The following CLVS1 variants were observed in gnomAD, a reference collection of about 807,000 sequenced individuals.
CLVS1 encodes the protein clavesin 1, also known as clavesin-1.
CLVS1 carries 10 observed loss-of-function variants against 33.1 expected under a neutral mutation model. The ratio of observed to expected loss-of-function variants is 0.30; its 90% CI spans 0.19 to 0.51. The LOEUF is 0.51. Among genes scored for constraint, CLVS1 ranks in the 20% least tolerant of loss-of-function variants. The pLI is 0.97. For synonymous variants in CLVS1, 163 were observed against 166.1 expected, an observed-to-expected ratio of 0.98 and a Z score of 0.14; for missense variants, 343 against 433.4, an observed-to-expected ratio of 0.79 and a Z score of 1.85.
At chr8:61,312,803 C>T (rs995282210) in intron 2 of CLVS1, among the ~76,000 whole-genome samples, 5 of 152,176 alleles carry the variant, frequency 3.3e-5, no homozygotes, top group Non-Finnish European at 5.9e-5. Flanking sequence ...TGATCTCTCT[C>T]TCCTTCTTCA....
In CLVS1 at chr8:61,189,329, A is replaced by AT. The variant is rs562500358; in HGVS notation, c.-152+57473dup. ...TTTACAGACAAGCAAATGCTGAGAGATTTTGTCACCACCAGGCCTGCTCTA... is the reference window on the plus strand; with the variant it reads ...TTTACAGACAAGCAAATGCTGAGAGATTTTTGTCACCACCAGGCCTGCTCTA... On this transcript the variant is annotated intron_variant, in intron 2 of 2. Transcript: ENST00000522621. Among the ~76,000 whole-genome samples the AT allele has an allele frequency of 8.7e-4, 132 of 152,308 alleles. 1 individual carries two copies. Among genetic ancestry groups the AT allele is most frequent in the Admixed American group, 3.1e-3 (48 of 15,296 alleles).
intron 2 of CLVS1, among the ~76,000 whole-genome samples, chr8:61,171,899 G>A (rs577574075): frequency 2.0e-5 from 3 of 152,302 alleles, no homozygotes; most frequent in South Asian, 2.1e-4. Flanking sequence ...TCAAGCAAGC[G>A]TGGAAATCAA....
At position 61,213,508 on chromosome 8, in the gene CLVS1, G is replaced by A. The variant is rs140316811; in HGVS notation, c.-152+81648G>A. ...AATGTGCATTGTGAAGATTTCATGGGCATTTATTAGTTCCCCAGATTAGTA... is the reference window on the plus strand; with the variant it reads ...AATGTGCATTGTGAAGATTTCATGGACATTTATTAGTTCCCCAGATTAGTA... On this transcript the variant is annotated intron_variant, in intron 2 of 2. Coordinates refer to the CLVS1 transcript ENST00000522621. 5.3e-5 allele frequency among the ~76,000 whole-genome samples: 8 copies of A among 150,546 alleles called. No individual in the cohort carries two copies. The South Asian group carries it at 8.5e-4, about 16-fold the overall frequency.
chr8:61,218,682 C>T (rs1287777876), intron 2 of CLVS1, among the ~76,000 whole-genome samples: 1 of 150,246 alleles, frequency 6.7e-6, no homozygotes, highest in Non-Finnish European at 1.5e-5. Flanking sequence ...CGCCTGTAGT[C>T]TCAGCACTTT....
chr8:61,010,794 G>A, the CLVS1 span, among the ~76,000 whole-genome samples: 6 of 152,164 alleles, frequency 3.9e-5, no homozygotes, highest in Admixed American at 3.9e-4. Flanking sequence ...TTACTCTCTG[G>A]CACAATCCTC....
chr8:61,426,238 C>G (rs1176442563), intron 3 of CLVS1, among the ~76,000 whole-genome samples: 1 of 152,178 alleles, frequency 6.6e-6, no homozygotes, highest in African/African-American at 2.4e-5. Context: ...TTAATATACT[C>G]AAGTCATTAT....
intron 2 of CLVS1, among the ~76,000 whole-genome samples, chr8:61,164,600 C>T (rs559254549): frequency 9.9e-5 from 15 of 152,092 alleles, no homozygotes; most frequent in Admixed American, 2.0e-4. Context: ...AAGTCCCCCC[C>T]GCCCAGGCTA....
chr8:61,203,283 A>T lies in CLVS1; in HGVS notation c.-152+71423A>T, dbSNP rs1356738819. The T allele has an allele frequency of 5.1e-6, 4 of 786,382 alleles. No homozygotes were observed. The African/African-American group carries it at 6.7e-5, about 13-fold the overall frequency. The allele number at this position is 786,382 out of a possible 1,614,324, so 48.7% of individuals were successfully genotyped here. A position where few individuals can be genotyped will look rare whatever the true frequency, so the allele number is the denominator to read the frequency against. ...TTCCGTCTTATTTCATTTCTGTAAC[A>T]GTTGATATCTGGCTGTCCTTTTTAT... On this transcript the variant is annotated intron_variant, in intron 2 of 2. Coordinates refer to the CLVS1 transcript ENST00000522621.
chr8:61,160,858 GA>G (rs1010404803), intron 2 of CLVS1, among the ~76,000 whole-genome samples: 1 of 152,064 alleles, frequency 6.6e-6, no homozygotes, highest in African/African-American at 2.4e-5. Flanking sequence ...CCCAGTCTTA[GA>G]AAAAATCCTG....
At chr8:61,257,359 C>G (rs1025537542) in intron 2 of CLVS1, among the ~76,000 whole-genome samples, 1 of 152,172 alleles carries the variant, frequency 6.6e-6, no homozygotes, top group Non-Finnish European at 1.5e-5. Flanking sequence ...ATTTAAAAAT[C>G]TTGACTTTTA....
intron 2 of CLVS1, among the ~76,000 whole-genome samples, chr8:61,170,485 A>G (rs2129298364): frequency 6.6e-6 from 1 of 152,310 alleles, no homozygotes; most frequent in South Asian, 2.1e-4. Flanking sequence ...TGCCAATTAC[A>G]ACTAACATGT....
chr8:61,160,171 A>T (rs1806725803), intron 2 of CLVS1, among the ~76,000 whole-genome samples: 2 of 152,220 alleles, frequency 1.3e-5, no homozygotes, highest in South Asian at 4.1e-4. Flanking sequence ...TGTACAACTT[A>T]TAAGATTTAG....
intron 3 of CLVS1, 179 bp downstream of exon 3, chr8:61,376,958 T>G (rs1813669854): frequency 1.9e-6 from 1 of 524,824 alleles, no homozygotes; most frequent in African/African-American, 1.9e-5. Flanking sequence ...AAATTAACTT[T>G]CATTTTCATT....
At chr8:61,262,569 G>A (rs1435500728) in intron 2 of CLVS1, among the ~76,000 whole-genome samples, 1 of 152,166 alleles carries the variant, frequency 6.6e-6, no homozygotes, top group African/African-American at 2.4e-5. Context: ...TACTTATTCT[G>A]AAAAGAGGAA....
At chr8:60,972,262 G>A in the CLVS1 span, among the ~76,000 whole-genome samples, 1 of 152,106 alleles carries the variant, frequency 6.6e-6, no homozygotes, top group African/African-American at 2.4e-5. Flanking sequence ...AAAAAATTAT[G>A]ACAGTGAAGG....
intron 1 of CLVS1, among the ~76,000 whole-genome samples, chr8:61,103,712 A>T (rs1431395665): frequency 6.6e-6 from 1 of 152,224 alleles, no homozygotes; most frequent in South Asian, 2.1e-4. Flanking sequence ...AATAGGCTGC[A>T]TCTGAGGAGC....
intron 5 of CLVS1, among the ~76,000 whole-genome samples, chr8:61,473,341 T>TAAAA (rs58281654): frequency 4.2e-5 from 4 of 96,198 alleles, no homozygotes; most frequent in Non-Finnish European, 6.3e-5. Flanking sequence ...TCACGGAATT[T>TAAAA]AAAAAAAAAA....
At chr8:61,205,648 T>C (rs1371715137) in intron 2 of CLVS1, among the ~76,000 whole-genome samples, 1 of 152,220 alleles carries the variant, frequency 6.6e-6, no homozygotes, top group Admixed American at 6.5e-5. Flanking sequence ...CTGAATCATA[T>C]GGTAATTCCA....
intron 2 of CLVS1, among the ~76,000 whole-genome samples, chr8:61,274,535 A>G (rs1206467610): frequency 1.3e-5 from 2 of 152,124 alleles, no homozygotes; most frequent in Admixed American, 1.3e-4. Context: ...TAGTGAGTTC[A>G]TTACCATTTG....
Sources: gnomAD v4.1 joint callset for allele counts (sites outside exome capture counted in the v4.1 genomes callset) on GRCh38, gnomAD v4.1.1 for gene constraint, MANE v1.5 for transcripts, NCBI Gene and HGNC (gene_info 2026-07-23, HGNC 2026-07-21) for gene names.